Variants in CLDN16 observed in about 807,000 individuals in gnomAD.
CLDN16 encodes claudin-16.
CLDN16 carries 13 observed loss-of-function variants against 24.6 expected under a neutral mutation model. The observed-to-expected ratio is 0.53, with a 90% CI of 0.34 to 0.84. The LOEUF (loss-of-function observed/expected upper bound fraction) is 0.84. Ranked by LOEUF, CLDN16 falls within the 40% of genes least tolerant of loss-of-function variation. The probability of loss-of-function intolerance (pLI) is 0.01; values close to 1 mark genes in which losing one functional copy is unlikely to be tolerated. For missense variants in CLDN16, 298 were observed against 292.7 expected (o/e 1.02, Z -0.13); for synonymous variants, 116 against 106.7 (o/e 1.09, Z -0.54).
At position 190,346,443 on chromosome 3, in the gene CLDN16, T is replaced by C. The variant is rs114482779; in HGVS notation, n.121+23782T>C. Among the ~76,000 whole-genome samples, 518 of 152,274 alleles carry C rather than the reference T, an allele frequency of 3.4e-3. 6 individuals are homozygous for C. The highest frequency in any genetic ancestry group is 0.012 in the African/African-American group (501 of 41,552). On this transcript the variant is annotated intron_variant and non_coding_transcript_variant, in intron 1 of 4. Coordinates refer to the CLDN16 transcript ENST00000468220. ...CAGTCATATTTGCGTTTTAACAGTT[T>C]TGATCTAGATTCATAATGATGCTGA...
chr3:190,344,324 C>G (rs2108631457), intron 1 of CLDN16, among the ~76,000 whole-genome samples: 1 of 151,946 alleles, frequency 6.6e-6, no homozygotes, highest in South Asian at 2.1e-4. Context: ...CTCCAAGAAG[C>G]TTTAATTATC....
chr3:190,344,837 G>A (rs992211306), intron 1 of CLDN16, among the ~76,000 whole-genome samples: 1 of 152,122 alleles, frequency 6.6e-6, no homozygotes, highest in Non-Finnish European at 1.5e-5. Flanking sequence ...TAGGAATTTG[G>A]TTGGGATTTA....
At chr3:190,303,145 T>G in the CLDN16 span, among the ~76,000 whole-genome samples, 5 of 152,346 alleles carry the variant, frequency 3.3e-5, no homozygotes, top group African/African-American at 1.2e-4. Context: ...AAAATAATTT[T>G]AAAACCACTG....
chr3:190,401,225 A>G (rs1209009026), intron 1 of CLDN16, among the ~76,000 whole-genome samples: 2 of 63,500 alleles, frequency 3.1e-5, no homozygotes, highest in Non-Finnish European at 6.0e-5. Flanking sequence ...AGAGAGTTTC[A>G]TAGTGCATGT....
intron 1 of CLDN16, among the ~76,000 whole-genome samples, chr3:190,325,234 A>C (rs1577395302): frequency 6.6e-6 from 1 of 152,190 alleles, no homozygotes; most frequent in Non-Finnish European, 1.5e-5. Context: ...GCAGCGCTGG[A>C]ATTCCAAACT....
chr3:190,330,111 C>G (rs917293192), intron 1 of CLDN16, among the ~76,000 whole-genome samples: 1 of 152,014 alleles, frequency 6.6e-6, no homozygotes, highest in Non-Finnish European at 1.5e-5. Flanking sequence ...GGTTCGCTAG[C>G]TAGAAATGTT....
chr3:190,395,743 C>T (rs3774008), intron 1 of CLDN16, among the ~76,000 whole-genome samples: 29,124 of 151,878 alleles, frequency 0.19, 3,203 homozygotes, highest in East Asian at 0.45. Context: ...AATAATATAT[C>T]TTAATAGCTT....
At position 190,398,024 on chromosome 3, in the gene CLDN16, T is replaced by C. The variant is rs193095825; in HGVS notation, c.115-4313T>C. ...AGTGGCTGGCTTATACAGTAAGAAATTGTGGAGAGTCGCTGTCTGATTTAC... is the reference window on the plus strand; with the variant it reads ...AGTGGCTGGCTTATACAGTAAGAAACTGTGGAGAGTCGCTGTCTGATTTAC... On this transcript the variant is annotated intron_variant, in intron 1 of 4. Transcript: ENST00000264734. Among the ~76,000 whole-genome samples the C allele has an allele frequency of 3.9e-5, 6 of 152,310 alleles. No individual in the cohort carries two copies. The East Asian group carries it at 1.2e-3, about 29-fold the overall frequency.
chr3:190,319,487 A>G (rs546623325), upstream of CLDN16, among the ~76,000 whole-genome samples: 2 of 152,302 alleles, frequency 1.3e-5, no homozygotes, highest in African/African-American at 2.4e-5. Context: ...TATTTACTGT[A>G]TACACTATTA....
At chr3:190,292,540 C>T in the CLDN16 span, among the ~76,000 whole-genome samples, 429 of 152,312 alleles carry the variant, frequency 2.8e-3, 24 homozygotes, top group East Asian at 0.076. Context: ...TAATGTTTGG[C>T]TCCTTATTAC....
intron 1 of CLDN16, among the ~76,000 whole-genome samples, chr3:190,323,757 C>T (rs1420524196): frequency 2.0e-5 from 3 of 152,206 alleles, no homozygotes; most frequent in Non-Finnish European, 4.4e-5. Flanking sequence ...TTCATTTCCA[C>T]CTGGCTCTCC....
intron 1 of CLDN16, among the ~76,000 whole-genome samples, chr3:190,336,954 C>A: frequency 6.6e-6 from 1 of 152,216 alleles, no homozygotes; most frequent in East Asian, 1.9e-4. Flanking sequence ...ATATTCCAGA[C>A]TTCTTTGTCA....
the CLDN16 span, among the ~76,000 whole-genome samples, chr3:190,292,724 A>C: frequency 1.3e-5 from 2 of 152,196 alleles, no homozygotes; most frequent in African/African-American, 2.4e-5. Flanking sequence ...ATCTCTAGGG[A>C]AGAGGCAAAA....
chr3:190,346,775 G>T (rs1206052707), intron 1 of CLDN16, among the ~76,000 whole-genome samples: 1 of 152,112 alleles, frequency 6.6e-6, no homozygotes, highest in Non-Finnish European at 1.5e-5. Context: ...TTGGCTTGCA[G>T]ATCCATCACC....
At position 190,400,586 on chromosome 3, in the gene CLDN16, T is replaced by C. The variant is rs545455453; in HGVS notation, c.115-1751T>C. On this transcript the variant is annotated intron_variant, in intron 1 of 4. Transcript: ENST00000264734. ...AGTAAAAATATGCAATGTTTAACTT[T>C]CTATTCCTGGCTTATTTCATTTAAC... Among the ~76,000 whole-genome samples, 50 of 152,370 alleles carry C rather than the reference T, an allele frequency of 3.3e-4. No homozygotes were observed. In the South Asian group the frequency reaches 9.1e-3, roughly 28 times the overall value.
At chr3:190,378,912 C>A (rs1470701641) in intron 3 of CLDN16, among the ~76,000 whole-genome samples, 2 of 151,884 alleles carry the variant, frequency 1.3e-5, no homozygotes, top group African/African-American at 2.4e-5. Flanking sequence ...TGATATGATG[C>A]CTTTCTAATT....
intron 1 of CLDN16, among the ~76,000 whole-genome samples, chr3:190,353,141 A>G (rs1470481960): frequency 2.6e-5 from 4 of 152,128 alleles, no homozygotes; most frequent in Non-Finnish European, 4.4e-5. Context: ...ACAAAGTCAC[A>G]GAGACTGCCA....
chr3:190,401,362 G>T (rs971263007), intron 1 of CLDN16, among the ~76,000 whole-genome samples: 3 of 151,970 alleles, frequency 2.0e-5, no homozygotes, highest in African/African-American at 7.3e-5. Context: ...CTTTCTTGGG[G>T]AAAAAATTAA....
chr3:190,333,610 T>A (rs2108624696), intron 1 of CLDN16, among the ~76,000 whole-genome samples: 1 of 152,174 alleles, frequency 6.6e-6, no homozygotes, highest in East Asian at 1.9e-4. Flanking sequence ...TCTACTGATC[T>A]TTCATCTTTC....
Sources: gnomAD v4.1 joint callset for allele counts (sites outside exome capture counted in the v4.1 genomes callset) on GRCh38, gnomAD v4.1.1 for gene constraint, MANE v1.5 for transcripts, NCBI Gene and HGNC (gene_info 2026-07-23, HGNC 2026-07-21) for gene names.